Variants in CDH7 observed in about 807,000 individuals in gnomAD.
The protein encoded by CDH7 is cadherin-7.
In CDH7, 25 loss-of-function variants were observed where a neutral mutation model predicts 71.8. The observed-to-expected ratio is 0.35, with a 90% CI of 0.25 to 0.49. The LOEUF is 0.49. Among genes scored for constraint, CDH7 ranks in the 20% least tolerant of loss-of-function variants. The pLI is 0.99. For synonymous variants in CDH7, 381 were observed against 363.8 expected (o/e 1.05, Z -0.54); for missense variants, 862 against 974.6 (o/e 0.88, Z 1.54).
chr18:65,858,111 T>C (rs187142727), intron 8 of CDH7, among the ~76,000 whole-genome samples, 159 bp downstream of exon 8: 38 of 152,298 alleles, frequency 2.5e-4, no homozygotes, highest in African/African-American at 8.4e-4. Context: ...TATACTTATC[T>C]TCACTGTCTT....
In CDH7 at chr18:65,864,732, CA is replaced by C. The variant is rs1294830486; in HGVS notation, c.1864+1824del. Among the ~76,000 whole-genome samples the C allele has an allele frequency of 4.7e-5, 7 of 148,706 alleles. No homozygotes were observed. In the South Asian group the frequency reaches 8.6e-4, roughly 18 times the overall value. Reference sequence around the variant, plus strand: ...TGAAACCCTGTCTCTACTAAAAATACAAAAAAAAATTAGCCAGGAGTGGTGG... The same window carrying C: ...TGAAACCCTGTCTCTACTAAAAATACAAAAAAAATTAGCCAGGAGTGGTGG... On this transcript the variant is annotated intron_variant, in intron 11 of 11. Coordinates refer to ENST00000397968, the MANE Select transcript of CDH7 (RefSeq NM_004361.5).
chr18:65,854,983 C>T (rs1198415043), intron 7 of CDH7, among the ~76,000 whole-genome samples: 1 of 151,542 alleles, frequency 6.6e-6, no homozygotes, highest in Non-Finnish European at 1.5e-5. Context: ...ACACATAACC[C>T]TGTTCTAAGT....
chr18:65,879,308 A>G (rs1418188005), intron 11 of CDH7, among the ~76,000 whole-genome samples: 1 of 152,190 alleles, frequency 6.6e-6, no homozygotes, highest in African/African-American at 2.4e-5. Flanking sequence ...TATGATGACA[A>G]TAATGTACCC....
chr18:65,813,333 A>C (rs972862868), intron 3 of CDH7, among the ~76,000 whole-genome samples: 1 of 152,190 alleles, frequency 6.6e-6, no homozygotes, highest in Non-Finnish European at 1.5e-5. Context: ...ACTCCATCTG[A>C]AAATATAAAA....
In CDH7 at chr18:65,883,663, A is replaced by T. The variant is rs540110545; in HGVS notation, c.*2769A>T. 1 of 152,236 alleles carries T rather than the reference A, an allele frequency of 6.6e-6. No individual in the cohort carries two copies. Among genetic ancestry groups the T allele is most frequent in the African/African-American group, 2.4e-5 (1 of 41,562 alleles). The allele number at this position is 152,236 out of a possible 1,614,324, so 9.4% of individuals were successfully genotyped here. On this transcript the variant is annotated 3_prime_UTR_variant, in exon 12 of 12. Transcript: ENST00000397968. ...CAGCCTTGGTGGGATTATTTAGACC[A>T]CAACAGTAATCAGCAAACACTACCC...
At chr18:65,778,451 TCTC>T (rs1193185893) in intron 2 of CDH7, among the ~76,000 whole-genome samples, 1 of 149,720 alleles carries the variant, frequency 6.7e-6, no homozygotes, top group African/African-American at 2.5e-5. Context: ...ATCCTTCAAT[TCTC>T]CTCTTCTGCA....
At chr18:65,777,451 A>G (rs1014576092) in intron 2 of CDH7, among the ~76,000 whole-genome samples, 13 of 152,022 alleles carry the variant, frequency 8.6e-5, no homozygotes, top group Non-Finnish European at 1.3e-4. Context: ...GGACTAGCCT[A>G]CAGGTGAAAA....
At chr18:65,806,093 A>C (rs915271478) in intron 2 of CDH7, among the ~76,000 whole-genome samples, 63 of 152,170 alleles carry the variant, frequency 4.1e-4, no homozygotes, top group African/African-American at 1.5e-3. Context: ...ATTTTAGGAT[A>C]CATGTAAAAT....
chr18:65,807,659 G>A (rs1174479318), intron 2 of CDH7, among the ~76,000 whole-genome samples: 2 of 152,164 alleles, frequency 1.3e-5, no homozygotes, highest in Admixed American at 6.5e-5. Context: ...TAAGCGGCCC[G>A]GGGACTGGAA....
chr18:65,862,193 G>C (rs2144037070), intron 10 of CDH7, among the ~76,000 whole-genome samples: 1 of 152,024 alleles, frequency 6.6e-6, no homozygotes, highest in South Asian at 2.1e-4. Flanking sequence ...TTTAAATAAA[G>C]CTAAAGTAGC....
chr18:65,767,093 CT>C (rs1258283488), intron 2 of CDH7, among the ~76,000 whole-genome samples: 169 of 136,462 alleles, frequency 1.2e-3, no homozygotes, highest in Non-Finnish European at 2.0e-3. Flanking sequence ...CTCTTTCTTT[CT>C]TTTTTTTTTT....
intron 9 of CDH7, 127 bp downstream of exon 9, chr18:65,859,173 C>A: frequency 1.2e-6 from 1 of 827,356 alleles, no homozygotes; most frequent in Non-Finnish European, 1.9e-6. Context: ...AAAACTAACA[C>A]TTTGATGTGT....
chr18:65,782,937 A>G (rs1030354822), intron 2 of CDH7, among the ~76,000 whole-genome samples: 1 of 152,178 alleles, frequency 6.6e-6, no homozygotes, highest in African/African-American at 2.4e-5. Flanking sequence ...CAGAAAGTAC[A>G]AAATAGGAAA....
intron 6 of CDH7, among the ~76,000 whole-genome samples, chr18:65,826,284 A>T (rs111967039): frequency 3.3e-5 from 5 of 151,478 alleles, no homozygotes; most frequent in African/African-American, 1.2e-4. Flanking sequence ...TATTATTCTT[A>T]TAGGTATCAA....
rs115527991 is a variant in CDH7 at position 65,869,588 on chromosome 18, C to G, written c.1864+6671C>G. ...TTTTTTTTGTATTGAAGACGCACTT[C>G]TTTGGCTTCTGAGTCCAGGCTGGAT... is the stretch of plus-strand genomic sequence containing the variant. On this transcript the variant is annotated intron_variant, in intron 11 of 11. Coordinates refer to ENST00000397968, the MANE Select transcript of CDH7 (RefSeq NM_004361.5). 6.8e-3 allele frequency among the ~76,000 whole-genome samples: 569 copies of G among 84,002 alleles called. 4 individuals carry two copies. Among genetic ancestry groups the G allele is most frequent in the African/African-American group, 0.025 (550 of 22,216 alleles). The allele number at this position is 84,002 out of a possible 152,430, so 55.1% of individuals were successfully genotyped here.
chr18:65,858,011 G>T (rs1214706799), intron 8 of CDH7, 59 bp downstream of exon 8: 2 of 1,518,030 alleles, frequency 1.3e-6, no homozygotes, highest in African/African-American at 2.8e-5. Flanking sequence ...AGAATCGATT[G>T]TCATGAGGTT....
At chr18:65,808,387 G>A (rs1013136027) in intron 2 of CDH7, among the ~76,000 whole-genome samples, 3 of 152,012 alleles carry the variant, frequency 2.0e-5, no homozygotes, top group Non-Finnish European at 4.4e-5. Flanking sequence ...CACAATAGTT[G>A]AAGAACACAC....
chr18:65,803,125 A>G (rs1421478533), intron 2 of CDH7: 1 of 152,172 alleles, frequency 6.6e-6, no homozygotes, highest in East Asian at 1.9e-4. Context: ...ATATGGATCT[A>G]TAACAGATGA....
At chr18:65,764,945 C>T (rs918345831) in intron 2 of CDH7, among the ~76,000 whole-genome samples, 1 of 151,914 alleles carries the variant, frequency 6.6e-6, no homozygotes, top group African/African-American at 2.4e-5. Context: ...ACTTAAATTC[C>T]ATATGCAAAC....
Sources: allele counts gnomAD v4.1 joint callset (sites outside exome capture counted in the v4.1 genomes callset), GRCh38; gene constraint gnomAD v4.1.1; transcripts MANE v1.5; gene names NCBI Gene and HGNC (gene_info 2026-07-23, HGNC 2026-07-21).